The following PATJ variants were observed in gnomAD, a reference collection of about 807,000 sequenced individuals.
PATJ encodes inaD-like protein.
PATJ carries 190 observed loss-of-function variants against 224.9 expected under a neutral mutation model. That is an observed-to-expected ratio of 0.84 (90% CI 0.75 to 0.95). PATJ has a LOEUF of 0.95. PATJ is among the 40% of genes least tolerant of loss of function. PATJ has a pLI of 0.00. For synonymous variants in PATJ, 769 were observed against 820.3 expected, an observed-to-expected ratio of 0.94 and a Z score of 1.07; for missense variants, 2,121 against 2,270.3, an observed-to-expected ratio of 0.93 and a Z score of 1.34.
intron 41 of PATJ, among the ~76,000 whole-genome samples, chr1:62,134,330 CTTTTTTT>C (rs779235130): frequency 8.3e-5 from 8 of 96,496 alleles, no homozygotes; most frequent in African/African-American, 2.6e-4. Flanking sequence ...CCAGCCCTCT[CTTTTTTT>C]TTTTTTTTTT....
At chr1:62,089,048 T>A (rs774893375) in intron 33 of PATJ, among the ~76,000 whole-genome samples, 1 of 152,100 alleles carries the variant, frequency 6.6e-6, no homozygotes, top group African/African-American at 2.4e-5. Context: ...AAATTAACCT[T>A]TGATTACTTT....
intron 21 of PATJ, among the ~76,000 whole-genome samples, chr1:61,883,863 G>GT (rs67157531): frequency 2.7e-5 from 4 of 145,578 alleles, no homozygotes; most frequent in Non-Finnish European, 6.0e-5. Flanking sequence ...TTCTGTGGAG[G>GT]TTTTTTTTTT....
intron 29 of PATJ, among the ~76,000 whole-genome samples, chr1:62,026,461 T>TG (rs1647929934): frequency 9.0e-6 from 1 of 111,380 alleles, no homozygotes; most frequent in African/African-American, 3.8e-5. Context: ...TTATTCAACA[T>TG]TTGTGTGTGT....
intron 29 of PATJ, among the ~76,000 whole-genome samples, chr1:62,024,510 C>G (rs1361596044): frequency 6.6e-6 from 1 of 152,078 alleles, no homozygotes; most frequent in Admixed American, 6.6e-5. Flanking sequence ...ATTTGTTTCA[C>G]CTCTTTTGGC....
Position 62,075,790 on chromosome 1 carries a change from T to C in PATJ, c.4126-3660T>C, listed in dbSNP as rs527336764. ...AAAATTAGCCAGGCGTGGTGGTGGG[T>C]GCCTGTAGTCCCAGCTACTCGGGAG... On this transcript the variant is annotated intron_variant, in intron 31 of 43. Coordinates refer to ENST00000642238, the MANE Select transcript of PATJ (RefSeq NM_001350145.3). Among the ~76,000 whole-genome samples the C allele has an allele frequency of 3.8e-4, 57 of 151,896 alleles. 1 individual carries two copies. Among genetic ancestry groups the C allele is most frequent in the Non-Finnish European group, 6.0e-4 (41 of 67,954 alleles).
chr1:61,869,968 T>TA (rs1666076676), intron 20 of PATJ, among the ~76,000 whole-genome samples: 1 of 152,206 alleles, frequency 6.6e-6, no homozygotes, highest in Admixed American at 6.5e-5. Flanking sequence ...GTGGGCGTGT[T>TA]ACGGTGATCT....
intron 1 of PATJ, among the ~76,000 whole-genome samples, chr1:61,752,331 T>TC (rs1645385331): frequency 1.3e-5 from 2 of 149,490 alleles, no homozygotes; most frequent in African/African-American, 4.9e-5. Context: ...TTTTTTTTTT[T>TC]AAGACGGAGT....
At chr1:61,906,634 G>T (rs1671897596) in intron 24 of PATJ, among the ~76,000 whole-genome samples, 1 of 152,130 alleles carries the variant, frequency 6.6e-6, no homozygotes, top group Non-Finnish European at 1.5e-5. Flanking sequence ...GTGGTTGGTG[G>T]CTCCAACCCC....
intron 17 of PATJ, among the ~76,000 whole-genome samples, chr1:61,844,532 T>A (rs962490295): frequency 3.3e-5 from 5 of 152,224 alleles, no homozygotes; most frequent in African/African-American, 7.2e-5. Flanking sequence ...AATATTAAGC[T>A]ATTTTTGAGA....
intron 1 of PATJ, among the ~76,000 whole-genome samples, chr1:61,762,360 T>G (rs1170108924): frequency 2.0e-5 from 3 of 152,186 alleles, no homozygotes; most frequent in Non-Finnish European, 4.4e-5. Context: ...TCAGTAATTT[T>G]TCCTTTTTAT....
In PATJ at chr1:62,148,267, T is replaced by G; in HGVS notation, c.5272-17T>G. Reference sequence around the variant, plus strand: ...CCTTCTTTATAATGAAATACCTTTTTTTCACTTTTTCCCCAGGTTGTAGCA... The same window carrying G: ...CCTTCTTTATAATGAAATACCTTTTGTTCACTTTTTCCCCAGGTTGTAGCA... On this transcript the variant is annotated splice_polypyrimidine_tract_variant and intron_variant, in intron 41 of 43. Transcript: ENST00000642238. 1 of 1,580,966 alleles carries G rather than the reference T, an allele frequency of 6.3e-7. No individual in the cohort carries two copies. Among genetic ancestry groups the G allele is most frequent in the East Asian group, 2.2e-5 (1 of 44,724 alleles).
chr1:62,084,678 T>A (rs1659734934), intron 33 of PATJ, 30 bp downstream of exon 33: 2 of 1,610,490 alleles, frequency 1.2e-6, no homozygotes, highest in South Asian at 2.2e-5. Context: ...ATGTATCCAC[T>A]GTCATAGAAC....
At chr1:62,053,780 G>C (rs184060594) in intron 31 of PATJ, among the ~76,000 whole-genome samples, 1 of 152,146 alleles carries the variant, frequency 6.6e-6, no homozygotes, top group Non-Finnish European at 1.5e-5. Context: ...TTCCTCAGCT[G>C]AGGAATGACG....
chr1:61,861,584 C>T lies in PATJ; in HGVS notation c.2356C>T (p.His786Tyr), dbSNP rs777508476. The stretch of plus-strand genomic sequence containing the variant: ...TGAAGAAGAAAGTTGTTATATTTTA[C>T]ATTCAAGCAGTAATGAAGACAAGAC... Reference protein sequence around the residue: ...DNEEESCYILHSSSNEDKTEF... With the variant: ...DNEEESCYILYSSSNEDKTEF... Residue 786 changes from histidine (H) to tyrosine (Y), a missense_variant, in exon 19 of 44, where the codon CAT becomes TAT. Coordinates refer to ENST00000642238, the MANE Select transcript of PATJ (RefSeq NM_001350145.3). 6.9e-7 allele frequency: 1 copy of T among 1,449,214 alleles called. No homozygotes were observed. The highest frequency in any genetic ancestry group is 9.3e-7 in the Non-Finnish European group (1 of 1,075,340). 89.8% of individuals were successfully genotyped at this position (1,449,214 alleles called of 1,614,324 possible). A position where few individuals can be genotyped will look rare whatever the true frequency, so the allele number is the denominator to read the frequency against.
chr1:61,918,101 A>G (rs1474648728), intron 26 of PATJ: 3 of 151,768 alleles, frequency 2.0e-5, no homozygotes, highest in East Asian at 3.9e-4. Flanking sequence ...AATTCCTTCA[A>G]TCTTTAGTCA....
intron 1 of PATJ, among the ~76,000 whole-genome samples, chr1:61,751,320 C>A (rs1645311863): frequency 6.6e-6 from 1 of 152,048 alleles, no homozygotes; most frequent in Non-Finnish European, 1.5e-5. Flanking sequence ...ACCATAATTT[C>A]TGGGGAGAAG....
chr1:61,903,398 T>C (rs555228024), intron 24 of PATJ, among the ~76,000 whole-genome samples: 13 of 152,226 alleles, frequency 8.5e-5, no homozygotes. Flanking sequence ...TTTGCTGAGA[T>C]GGGCAAGACT....
At chr1:62,004,330 A>G (rs1645966772) in intron 28 of PATJ, among the ~76,000 whole-genome samples, 1 of 152,184 alleles carries the variant, frequency 6.6e-6, no homozygotes. Context: ...CTCATCACTT[A>G]TGCAATGATT....
At chr1:62,143,438 ATTTTTTTTTT>A (rs34127211) in intron 41 of PATJ, among the ~76,000 whole-genome samples, 7 of 74,310 alleles carry the variant, frequency 9.4e-5, no homozygotes, top group South Asian at 5.4e-4. Flanking sequence ...TAAGCTGGGA[ATTTTTTTTTT>A]TTTTTTTTTT....
Sources: allele counts gnomAD v4.1 joint callset (sites outside exome capture counted in the v4.1 genomes callset), GRCh38; gene constraint gnomAD v4.1.1; transcripts MANE v1.5; gene names NCBI Gene and HGNC (gene_info 2026-07-23, HGNC 2026-07-21).